The following STAU2 variants were observed in gnomAD, a reference collection of about 807,000 sequenced individuals.
STAU2 encodes the protein double-stranded RNA-binding protein Staufen homolog 2.
A neutral mutation model predicts 65.9 loss-of-function variants in STAU2; 20 were observed. The ratio of observed to expected loss-of-function variants is 0.30; its 90% confidence interval spans 0.21 to 0.44. The LOEUF (loss-of-function observed/expected upper bound fraction) is 0.44. STAU2 is among the 20% of genes least tolerant of loss of function. The pLI is 1.00. For missense variants in STAU2, 558 were observed against 683.9 expected (o/e 0.82, Z 2.05); for synonymous variants, 232 against 233.9 (o/e 0.99, Z 0.07).
At chr8:73,587,478 C>T (rs763368435) in intron 11 of STAU2, among the ~76,000 whole-genome samples, 12 of 152,014 alleles carry the variant, frequency 7.9e-5, no homozygotes, top group African/African-American at 2.9e-4. Context: ...GCAGGCATAT[C>T]GATCAATCTG....
At chr8:73,542,523 G>A (rs930889559) in intron 13 of STAU2, among the ~76,000 whole-genome samples, 1 of 152,030 alleles carries the variant, frequency 6.6e-6, no homozygotes, top group Non-Finnish European at 1.5e-5. Flanking sequence ...GTTTTTCAAA[G>A]GATCACGTTA....
At chr8:73,456,762 T>C (rs1015503418) in intron 13 of STAU2, among the ~76,000 whole-genome samples, 28 of 152,342 alleles carry the variant, frequency 1.8e-4, no homozygotes, top group African/African-American at 5.5e-4. Context: ...TGATGACATA[T>C]GTTTCAAGTA....
chr8:73,495,595 C>T (rs1300597005), intron 13 of STAU2, among the ~76,000 whole-genome samples: 3 of 148,910 alleles, frequency 2.0e-5, no homozygotes, highest in Non-Finnish European at 4.5e-5. Flanking sequence ...AGTCAATATG[C>T]CCACATTTAA....
chr8:73,632,269 A>C (rs1324881987), intron 6 of STAU2, among the ~76,000 whole-genome samples: 1 of 152,140 alleles, frequency 6.6e-6, no homozygotes. Flanking sequence ...ACATTAAAAA[A>C]AAAAAAAGTC....
intron 6 of STAU2, among the ~76,000 whole-genome samples, chr8:73,641,945 A>C (rs1217131254): frequency 6.6e-6 from 1 of 151,948 alleles, no homozygotes; most frequent in Non-Finnish European, 1.5e-5. Context: ...GATCAAATGT[A>C]CTCTTTTATA....
At chr8:73,434,507 G>A (rs1263833410) in intron 13 of STAU2, among the ~76,000 whole-genome samples, 1 of 151,880 alleles carries the variant, frequency 6.6e-6, no homozygotes, top group Non-Finnish European at 1.5e-5. Flanking sequence ...TGTGGAGTCT[G>A]TTAGACTTGG....
At chr8:73,735,571 A>G (rs1167513848) in intron 3 of STAU2, among the ~76,000 whole-genome samples, 1 of 152,234 alleles carries the variant, frequency 6.6e-6, no homozygotes, top group Non-Finnish European at 1.5e-5. Context: ...TTTTTGGATT[A>G]GGGATGCTCA....
chr8:73,664,914 C>G (rs1291800036), intron 6 of STAU2, among the ~76,000 whole-genome samples: 1 of 152,008 alleles, frequency 6.6e-6, no homozygotes, highest in Non-Finnish European at 1.5e-5. Context: ...ATCGCTCGAA[C>G]CTGGGAAGCA....
intron 6 of STAU2, among the ~76,000 whole-genome samples, chr8:73,654,637 C>CAAAAAAAAAAAAA (rs71269928): frequency 0.045 from 1,175 of 26,264 alleles, 186 homozygotes; most frequent in Admixed American, 0.12. Context: ...AAGATTGTCT[C>CAAAAAAAAAAAAA]AAAAAAAAAA....
At chr8:73,507,683 T>C (rs933861082) in intron 13 of STAU2, among the ~76,000 whole-genome samples, 2 of 152,216 alleles carry the variant, frequency 1.3e-5, no homozygotes, top group African/African-American at 2.4e-5. Context: ...AATTCAAGCA[T>C]TGACTTCTCC....
chr8:73,595,041 C>T, intron 11 of STAU2, 125 bp downstream of exon 11: 1 of 677,782 alleles, frequency 1.5e-6, no homozygotes, highest in Non-Finnish European at 2.3e-6. Flanking sequence ...CTTGGATCAT[C>T]TATCTTTGTA....
chr8:73,693,240 G>A (rs538053692), intron 4 of STAU2, among the ~76,000 whole-genome samples: 16 of 152,222 alleles, frequency 1.1e-4, no homozygotes, highest in South Asian at 2.1e-4. Flanking sequence ...TTGGGAGGCC[G>A]AGGCGGGCGG....
At chr8:73,672,930 C>A in intron 6 of STAU2, 177 bp downstream of exon 6, 14 of 456,966 alleles carry the variant, frequency 3.1e-5, no homozygotes, top group Non-Finnish European at 4.5e-5. Context: ...TTCCTGAAAA[C>A]TGGGTTTCTT....
At chr8:73,547,463 C>T (rs942762686) in intron 13 of STAU2, among the ~76,000 whole-genome samples, 3 of 152,050 alleles carry the variant, frequency 2.0e-5, no homozygotes, top group Non-Finnish European at 4.4e-5. Flanking sequence ...CTTTGGCCTG[C>T]ATATCAAAGT....
At chr8:73,489,638 A>C (rs1165339982) in intron 13 of STAU2, among the ~76,000 whole-genome samples, 1 of 152,086 alleles carries the variant, frequency 6.6e-6, no homozygotes, top group Non-Finnish European at 1.5e-5. Context: ...TACATGTAAT[A>C]TTAAGTAATG....
Position 73,705,064 on chromosome 8 carries a change from A to G in STAU2, c.114+3968T>C, listed in dbSNP as rs55943574. ...GCAGGAACAGTGCCTGCCACATAGT[A>G]AATACTCAACAGACCTTTTACTAAG... On this transcript the variant is annotated intron_variant, in intron 4 of 14. Transcript: ENST00000524300. Among the ~76,000 whole-genome samples, 453 of 152,334 alleles carry G rather than the reference A, an allele frequency of 3.0e-3. 1 individual carries two copies. The highest frequency in any genetic ancestry group is 5.3e-3 in the Non-Finnish European group (363 of 68,030).
intron 11 of STAU2, among the ~76,000 whole-genome samples, chr8:73,593,303 T>G (rs1008369441): frequency 5.3e-5 from 8 of 152,210 alleles, no homozygotes; most frequent in African/African-American, 1.9e-4. Flanking sequence ...TGTTCAAATC[T>G]TAAATAAGCA....
chr8:73,510,129 G>A (rs1320814144), intron 13 of STAU2, among the ~76,000 whole-genome samples: 3 of 152,076 alleles, frequency 2.0e-5, no homozygotes, highest in Non-Finnish European at 4.4e-5. Flanking sequence ...GAGCAATGGC[G>A]TGATCTCGGC....
At chr8:73,437,626 T>C (rs967738997) in intron 13 of STAU2, among the ~76,000 whole-genome samples, 1 of 152,166 alleles carries the variant, frequency 6.6e-6, no homozygotes, top group Non-Finnish European at 1.5e-5. Flanking sequence ...ACCACAGTCA[T>C]GGAAAAATGA....
Sources: allele counts gnomAD v4.1 joint callset (sites outside exome capture counted in the v4.1 genomes callset), GRCh38; gene constraint gnomAD v4.1.1; transcripts MANE v1.5; gene names NCBI Gene and HGNC (gene_info 2026-07-23, HGNC 2026-07-21).